CPNE4: variants seen among roughly 807,000 people sequenced by gnomAD.
CPNE4 encodes the protein copine 4, also known as copine-4.
A neutral mutation model predicts 67.9 loss-of-function variants in CPNE4; 25 were observed. The observed-to-expected ratio is 0.37, with a 90% confidence interval of 0.27 to 0.51. The LOEUF is 0.51. Among genes scored for constraint, CPNE4 ranks in the 20% least tolerant of loss-of-function variants. The pLI, the probability that CPNE4 is intolerant of heterozygous loss-of-function variation, is 0.93. For missense variants in CPNE4, 464 were observed against 690.8 expected, an observed-to-expected ratio of 0.67 and a Z score of 3.68; for synonymous variants, 242 against 244.9, an observed-to-expected ratio of 0.99 and a Z score of 0.11.
intron 13 of CPNE4, among the ~76,000 whole-genome samples, chr3:131,551,597 A>C (rs1936176950): frequency 6.6e-6 from 1 of 151,984 alleles, no homozygotes; most frequent in Admixed American, 6.6e-5. Context: ...TGGGTCTTGG[A>C]GGTTACTGTG....
chr3:131,948,042 G>T (rs1353799703), intron 1 of CPNE4, among the ~76,000 whole-genome samples: 1 of 141,796 alleles, frequency 7.1e-6, no homozygotes, highest in Non-Finnish European at 1.6e-5. Flanking sequence ...TATTTTTTAG[G>T]TCTTCTTTAA....
intron 1 of CPNE4, among the ~76,000 whole-genome samples, chr3:131,962,749 T>C (rs1408668200): frequency 6.6e-6 from 1 of 151,076 alleles, no homozygotes; most frequent in Non-Finnish European, 1.5e-5. Context: ...AAAAATCCAG[T>C]GAGTAAATAC....
chr3:131,978,098 T>A (rs1432245223), intron 1 of CPNE4, among the ~76,000 whole-genome samples: 3 of 76,398 alleles, frequency 3.9e-5, no homozygotes, highest in South Asian at 3.0e-4. Context: ...AATATATATA[T>A]AAATATATAT....
intron 2 of CPNE4, among the ~76,000 whole-genome samples, chr3:131,865,092 C>T (rs2086876540): frequency 6.6e-6 from 1 of 152,154 alleles, no homozygotes; most frequent in Admixed American, 6.5e-5. Flanking sequence ...CGATGTGCTG[C>T]TGGATTTGGT....
At chr3:131,850,253 TA>T (rs2086185149) in intron 2 of CPNE4, among the ~76,000 whole-genome samples, 1 of 152,194 alleles carries the variant, frequency 6.6e-6, no homozygotes, top group Admixed American at 6.6e-5. Flanking sequence ...GTTTTTGATG[TA>T]GGGTTATGAC....
chr3:131,864,298 GTA>G lies in CPNE4; in HGVS notation c.180+40964_180+40965del, dbSNP rs559899177. Among the ~76,000 whole-genome samples, 212 of 152,112 alleles carry G rather than the reference GTA, an allele frequency of 1.4e-3. 1 individual carries two copies. Among genetic ancestry groups the G allele is most frequent in the Non-Finnish European group, 2.4e-3 (164 of 67,966 alleles). Reference sequence around the variant, plus strand: ...TTGAATCTATAAATTACCTTAGGCAGTATGGCCATTTTCACGATATTGATTCT... The same window carrying G: ...TTGAATCTATAAATTACCTTAGGCAGTGGCCATTTTCACGATATTGATTCT... On this transcript the variant is annotated intron_variant, in intron 2 of 15. Coordinates refer to ENST00000429747, the MANE Select transcript of CPNE4 (RefSeq NM_130808.3).
chr3:131,648,971 A>G (rs1178599042), intron 7 of CPNE4, among the ~76,000 whole-genome samples: 1 of 152,202 alleles, frequency 6.6e-6, no homozygotes, highest in Non-Finnish European at 1.5e-5. Flanking sequence ...GCCTCCAGCA[A>G]GGCAAGCATG....
intron 1 of CPNE4, among the ~76,000 whole-genome samples, chr3:131,975,935 A>C (rs910851513): frequency 1.4e-4 from 22 of 152,252 alleles, no homozygotes; most frequent in African/African-American, 5.3e-4. Context: ...AAATAATTTA[A>C]ATGTCCTCTG....
chr3:131,548,219 A>G lies in CPNE4; in HGVS notation c.1302+1728T>C, dbSNP rs181712343. On this transcript the variant is annotated intron_variant, in intron 14 of 15. Transcript: ENST00000429747. Reference sequence around the variant, plus strand: ...ATTTAAGATACACACCAGTTTTACAAAAGAAAATGTAAAGTACTTTTCATT... The same window carrying G: ...ATTTAAGATACACACCAGTTTTACAGAAGAAAATGTAAAGTACTTTTCATT... 8.7e-4 allele frequency among the ~76,000 whole-genome samples: 132 copies of G among 152,294 alleles called. 1 individual carries two copies. The highest frequency in any genetic ancestry group is 5.3e-4 in the Non-Finnish European group (36 of 68,018).
intron 1 of CPNE4, among the ~76,000 whole-genome samples, chr3:131,938,550 T>C (rs1472301198): frequency 6.6e-6 from 1 of 152,098 alleles, no homozygotes; most frequent in African/African-American, 2.4e-5. Flanking sequence ...TAGTTCTGCA[T>C]GGCTGGAGAG....
chr3:131,844,068 C>G (rs2085900516), intron 2 of CPNE4, among the ~76,000 whole-genome samples: 1 of 152,074 alleles, frequency 6.6e-6, no homozygotes, highest in South Asian at 2.1e-4. Flanking sequence ...AAGTTTGTCC[C>G]TCCATTTCCT....
At chr3:131,731,529 T>C (rs936259767) in intron 2 of CPNE4, among the ~76,000 whole-genome samples, 1 of 152,168 alleles carries the variant, frequency 6.6e-6, no homozygotes, top group African/African-American at 2.4e-5. Flanking sequence ...GTGTCCTCTA[T>C]AGCTGTTCCT....
intron 2 of CPNE4, among the ~76,000 whole-genome samples, chr3:131,771,023 T>C (rs999762941): frequency 6.6e-6 from 1 of 152,178 alleles, no homozygotes; most frequent in African/African-American, 2.4e-5. Flanking sequence ...ATGACCATGA[T>C]AGTCCTTATC....
At chr3:131,631,875 C>G (rs1582925030) in intron 7 of CPNE4, among the ~76,000 whole-genome samples, 6 of 150,838 alleles carry the variant, frequency 4.0e-5, no homozygotes, top group Admixed American at 3.9e-4. Context: ...ACGTAATTAT[C>G]CCCCCTCCCC....
At chr3:131,599,807 T>G (rs1559962949) in intron 7 of CPNE4, among the ~76,000 whole-genome samples, 1 of 152,078 alleles carries the variant, frequency 6.6e-6, no homozygotes, top group East Asian at 1.9e-4. Context: ...CACAGCTAAG[T>G]AAAGTCTGGT....
At chr3:131,867,390 T>A (rs1002908921) in intron 2 of CPNE4, among the ~76,000 whole-genome samples, 1 of 152,114 alleles carries the variant, frequency 6.6e-6, no homozygotes, top group South Asian at 2.1e-4. Context: ...TTTTAAGAAT[T>A]AGATAAGAAT....
chr3:131,620,737 G>T (rs1325266074), intron 7 of CPNE4, among the ~76,000 whole-genome samples: 1 of 152,156 alleles, frequency 6.6e-6, no homozygotes, highest in Non-Finnish European at 1.5e-5. Flanking sequence ...TCAGGGTGCT[G>T]TGATTGCTAG....
intron 3 of CPNE4, among the ~76,000 whole-genome samples, chr3:131,707,732 A>C (rs2081449027): frequency 6.6e-6 from 1 of 151,532 alleles, no homozygotes; most frequent in African/African-American, 2.4e-5. Flanking sequence ...ATTCACACTC[A>C]CTCTTTATCC....
intron 1 of CPNE4, among the ~76,000 whole-genome samples, chr3:131,935,377 A>G (rs559087567): frequency 6.6e-6 from 1 of 152,314 alleles, no homozygotes; most frequent in South Asian, 2.1e-4. Flanking sequence ...GAATCACTGT[A>G]TAGAGATATT....
Sources: allele counts gnomAD v4.1 joint callset (sites outside exome capture counted in the v4.1 genomes callset), GRCh38; gene constraint gnomAD v4.1.1; transcripts MANE v1.5; gene names NCBI Gene and HGNC (gene_info 2026-07-23, HGNC 2026-07-21).